TPD52: variants seen among roughly 807,000 people sequenced by gnomAD.
TPD52 encodes the protein prostate and colon associated protein.
TPD52 carries 17 observed loss-of-function variants against 31.3 expected under a neutral mutation model. That is an observed-to-expected ratio of 0.54 (90% CI 0.37 to 0.82). The LOEUF (loss-of-function observed/expected upper bound fraction) is 0.82, where lower values mean the gene tolerates loss of function less well. TPD52 is among the 40% of genes least tolerant of loss of function. The pLI is 0.00. For missense variants in TPD52, 212 were observed against 240.1 expected (o/e 0.88, Z 0.77); for synonymous variants, 83 against 89.6 (o/e 0.93, Z 0.42).
At chr8:80,171,216 T>A in intron 1 of TPD52, 1 of 709,942 alleles carries the variant, frequency 1.4e-6, no homozygotes, top group Non-Finnish European at 2.5e-6. Flanking sequence ...CACTCACACA[T>A]GCAGTCCCAT....
intron 1 of TPD52, among the ~76,000 whole-genome samples, chr8:80,075,259 G>A (rs973382245): frequency 6.6e-6 from 1 of 152,124 alleles, no homozygotes; most frequent in Non-Finnish European, 1.5e-5. Flanking sequence ...TTACAGGCGT[G>A]AGCCACCACG....
chr8:80,109,097 T>C (rs1336138152), intron 1 of TPD52, among the ~76,000 whole-genome samples: 1 of 152,124 alleles, frequency 6.6e-6, no homozygotes. Flanking sequence ...AGTCTCACAG[T>C]GAGTGAGTAA....
chr8:80,130,509 G>C (rs1029813188), intron 1 of TPD52, among the ~76,000 whole-genome samples: 1 of 152,048 alleles, frequency 6.6e-6, no homozygotes, highest in Non-Finnish European at 1.5e-5. Flanking sequence ...TAACCTTCAG[G>C]ACATTTCATA....
intron 1 of TPD52, among the ~76,000 whole-genome samples, chr8:80,122,474 C>G (rs1213317574): frequency 6.6e-6 from 1 of 152,138 alleles, no homozygotes; most frequent in African/African-American, 2.4e-5. Context: ...CTCATTAAAG[C>G]TCATGCATAT....
At chr8:80,132,883 A>G (rs1361154538) in intron 1 of TPD52, among the ~76,000 whole-genome samples, 1 of 152,170 alleles carries the variant, frequency 6.6e-6, no homozygotes, top group African/African-American at 2.4e-5. Context: ...GAAGAAAGGA[A>G]GGGGCAAAAG....
At chr8:80,144,776 G>A (rs891965393) in intron 1 of TPD52, among the ~76,000 whole-genome samples, 11 of 151,960 alleles carry the variant, frequency 7.2e-5, no homozygotes, top group African/African-American at 2.7e-4. Flanking sequence ...GGCTTTTTGT[G>A]TGCATTTTTT....
intron 1 of TPD52, among the ~76,000 whole-genome samples, chr8:80,132,116 A>G (rs1410054038): frequency 6.6e-6 from 1 of 151,656 alleles, no homozygotes; most frequent in Admixed American, 6.6e-5. Context: ...TGCAGTCTCA[A>G]TCTCCTGGGC....
At chr8:80,123,813 G>T (rs1332095250) in intron 1 of TPD52, among the ~76,000 whole-genome samples, 1 of 152,168 alleles carries the variant, frequency 6.6e-6, no homozygotes, top group Non-Finnish European at 1.5e-5. Flanking sequence ...TACATTCTTG[G>T]TACTGGTCAA....
chr8:80,094,215 A>G (rs1390111691), intron 1 of TPD52, among the ~76,000 whole-genome samples: 4 of 151,934 alleles, frequency 2.6e-5, no homozygotes, highest in Non-Finnish European at 5.9e-5. Flanking sequence ...AAACACAGCC[A>G]GATCTATGAA....
In TPD52 at chr8:80,101,364, C is replaced by T. The variant is rs563909692; in HGVS notation, c.20-36771G>A. Among the ~76,000 whole-genome samples, 60 of 147,904 alleles carry T rather than the reference C, an allele frequency of 4.1e-4. 1 individual carries two copies. The highest frequency in any genetic ancestry group is 1.4e-3 in the African/African-American group (55 of 40,370). Reference sequence around the variant, plus strand: ...CCGGGAGGCTGAGGCAGGAGAATCACTGGAACCCGGGAGGTGGAGGTTGCA... The same window carrying T: ...CCGGGAGGCTGAGGCAGGAGAATCATTGGAACCCGGGAGGTGGAGGTTGCA... On this transcript the variant is annotated intron_variant, in intron 1 of 7. Transcript: ENST00000518937.
intron 1 of TPD52, among the ~76,000 whole-genome samples, chr8:80,097,773 AAAC>A (rs1045932957): frequency 2.8e-4 from 43 of 152,368 alleles, no homozygotes; most frequent in African/African-American, 9.9e-4. Context: ...TAGCTACACT[AAAC>A]AACAGATTGT....
At chr8:80,122,373 G>T (rs754635146) in intron 1 of TPD52, among the ~76,000 whole-genome samples, 1 of 152,176 alleles carries the variant, frequency 6.6e-6, no homozygotes, top group Non-Finnish European at 1.5e-5. Flanking sequence ...ATTAAAAAGT[G>T]AGTAAAGAGA....
intron 5 of TPD52, among the ~76,000 whole-genome samples, chr8:80,049,341 G>A (rs1284955033): frequency 1.3e-5 from 2 of 152,174 alleles, no homozygotes; most frequent in Non-Finnish European, 2.9e-5. Flanking sequence ...GATGTGACTG[G>A]CTCTGTATTC....
chr8:80,043,270 A>G (rs1346712368), intron 6 of TPD52, among the ~76,000 whole-genome samples: 1 of 152,130 alleles, frequency 6.6e-6, no homozygotes, highest in East Asian at 1.9e-4. Flanking sequence ...CCCACAGGAC[A>G]TTCATTCATC....
chr8:80,114,077 T>A (rs1259478144), intron 1 of TPD52, among the ~76,000 whole-genome samples: 1 of 152,124 alleles, frequency 6.6e-6, no homozygotes, highest in Non-Finnish European at 1.5e-5. Flanking sequence ...AAACCCCGTC[T>A]CTACCAAAAA....
At chr8:80,122,929 GCTGAGAATT>G (rs1808358116) in intron 1 of TPD52, 1 of 152,296 alleles carries the variant, frequency 6.6e-6, no homozygotes, top group African/African-American at 2.4e-5. Flanking sequence ...TCACTGCTAG[GCTGAGAATT>G]CTGACGTCTG....
chr8:80,082,304 TG>T (rs35222596), intron 1 of TPD52, among the ~76,000 whole-genome samples: 1 of 152,144 alleles, frequency 6.6e-6, no homozygotes, highest in African/African-American at 2.4e-5. Flanking sequence ...GGCCTCTTAC[TG>T]GGACAGGAAA....
At chr8:80,074,082 A>G (rs1441922765) in intron 1 of TPD52, among the ~76,000 whole-genome samples, 1 of 152,238 alleles carries the variant, frequency 6.6e-6, no homozygotes, top group Non-Finnish European at 1.5e-5. Context: ...CTGTTAACAT[A>G]TATTTGAGCC....
chr8:80,096,371 C>T (rs1421464589), intron 1 of TPD52, among the ~76,000 whole-genome samples: 1 of 151,986 alleles, frequency 6.6e-6, no homozygotes, highest in Non-Finnish European at 1.5e-5. Context: ...AACTCATCTG[C>T]TTGGACTATG....
Sources: allele counts gnomAD v4.1 joint callset (sites outside exome capture counted in the v4.1 genomes callset), GRCh38; gene constraint gnomAD v4.1.1; transcripts MANE v1.5; gene names NCBI Gene and HGNC (gene_info 2026-07-23, HGNC 2026-07-21).